LINC00305: variants seen among roughly 807,000 people sequenced by gnomAD.
LINC00305 encodes long intergenic non-protein coding RNA 305.
At chr18:64,093,353 T>C (rs2051232295) in intron 3 of LINC00305, among the ~76,000 whole-genome samples, 1 of 152,200 alleles carries the variant, frequency 6.6e-6, no homozygotes, top group South Asian at 2.1e-4. Context: ...TTTATTTTTT[T>C]GAGATGGAGT....
At chr18:64,134,944 G>A (rs530083048) in intron 1 of LINC00305, among the ~76,000 whole-genome samples, 88 of 152,246 alleles carry the variant, frequency 5.8e-4, no homozygotes, top group Middle Eastern at 3.4e-3. Flanking sequence ...GTCTGCATTC[G>A]TTTGCTTGAG....
rs536518800 is a variant in LINC00305 at position 64,133,629 on chromosome 18, C to A, written n.314+15146G>T. ...GGAGTGTCCTAAGTGAGCATCTTGC[C>A]TTTACTTTGTTTGTCTTGCACAGGC... On this transcript the variant is annotated intron_variant and non_coding_transcript_variant, in intron 1 of 3. Coordinates refer to ENST00000666468, the Ensembl canonical transcript of LINC00305. Among the ~76,000 whole-genome samples, 4 of 152,262 alleles carry A rather than the reference C, an allele frequency of 2.6e-5. No individual in the cohort carries two copies. In the South Asian group the frequency reaches 8.3e-4, roughly 32 times the overall value.
chr18:64,083,404 T>C (rs1831014780), intron 3 of LINC00305, among the ~76,000 whole-genome samples: 1 of 152,222 alleles, frequency 6.6e-6, no homozygotes, highest in African/African-American at 2.4e-5. Flanking sequence ...CCGGGAATAG[T>C]GTTTCTTCCT....
At chr18:64,130,110 C>T (rs1019238198) in intron 1 of LINC00305, among the ~76,000 whole-genome samples, 1 of 151,924 alleles carries the variant, frequency 6.6e-6, no homozygotes, top group African/African-American at 2.4e-5. Context: ...AGATATATCT[C>T]CTACAACACT....
intron 1 of LINC00305, among the ~76,000 whole-genome samples, chr18:64,122,676 C>T (rs946531336): frequency 4.6e-5 from 7 of 151,822 alleles, no homozygotes; most frequent in African/African-American, 1.2e-4. Flanking sequence ...GGGCTCTTTT[C>T]GTGTTCCGTA....
intron 1 of LINC00305, among the ~76,000 whole-genome samples, chr18:64,143,590 G>GTGTACATATA: frequency 1.2e-5 from 1 of 81,244 alleles, no homozygotes; most frequent in African/African-American, 6.7e-5. Flanking sequence ...ATGTACATAT[G>GTGTACATATA]TACACATATG....
At chr18:64,110,198 T>C (rs2144248777) in intron 1 of LINC00305, among the ~76,000 whole-genome samples, 1 of 152,270 alleles carries the variant, frequency 6.6e-6, no homozygotes, top group Admixed American at 6.5e-5. Context: ...ACAGAAGACT[T>C]TGTATGAATA....
rs142907626 is a variant in LINC00305 at position 64,131,750 on chromosome 18, G to A, written n.314+17025C>T. Among the ~76,000 whole-genome samples, 358 of 152,296 alleles carry A rather than the reference G, an allele frequency of 2.4e-3. 2 individuals are homozygous for A. Among genetic ancestry groups the A allele is most frequent in the African/African-American group, 7.8e-3 (325 of 41,564 alleles). On this transcript the variant is annotated intron_variant and non_coding_transcript_variant, in intron 1 of 3. Coordinates refer to ENST00000666468, the Ensembl canonical transcript of LINC00305. ...AGAAATGTTGTAGCATCACTCGTTA[G>A]GGATTTGGTGCAACAAGCAGGCAAA...
intron 1 of LINC00305, among the ~76,000 whole-genome samples, chr18:64,145,177 C>A (rs112473837): frequency 1.3e-5 from 2 of 152,096 alleles, no homozygotes; most frequent in Admixed American, 6.6e-5. Context: ...GGAAAGACTG[C>A]GTTTCTGTTT....
At chr18:64,080,581 A>G (rs1014547233) in intron 3 of LINC00305, among the ~76,000 whole-genome samples, 15 of 152,228 alleles carry the variant, frequency 9.9e-5, no homozygotes, top group African/African-American at 3.6e-4. Flanking sequence ...ATTTATCTAT[A>G]CCAGGATTTT....
At chr18:64,119,040 T>C (rs1187775529) in intron 1 of LINC00305, among the ~76,000 whole-genome samples, 1 of 151,960 alleles carries the variant, frequency 6.6e-6, no homozygotes, top group African/African-American at 2.4e-5. Context: ...CAGAATCACA[T>C]ACAAGTATAC....
At chr18:64,110,208 A>G (rs1471142562) in intron 1 of LINC00305, among the ~76,000 whole-genome samples, 1 of 152,210 alleles carries the variant, frequency 6.6e-6, no homozygotes. Context: ...TTGTATGAAT[A>G]AGAAATAAAA....
chr18:64,124,203 A>G (rs910578745), intron 1 of LINC00305, among the ~76,000 whole-genome samples: 4 of 152,154 alleles, frequency 2.6e-5, no homozygotes, highest in Admixed American at 6.5e-5. Context: ...TCCAGGAATG[A>G]CAGTCACAGT....
intron 1 of LINC00305, among the ~76,000 whole-genome samples, chr18:64,111,914 C>G (rs1241800282): frequency 6.6e-6 from 1 of 152,174 alleles, no homozygotes; most frequent in African/African-American, 2.4e-5. Context: ...ATCACAAAAT[C>G]AAGGACCATG....
chr18:64,122,088 C>T (rs931884321), intron 1 of LINC00305, among the ~76,000 whole-genome samples: 4 of 152,008 alleles, frequency 2.6e-5, no homozygotes, highest in African/African-American at 9.7e-5. Flanking sequence ...AGGTATGAAT[C>T]CTCTGTCAGA....
chr18:64,082,635 G>A (rs555854235), intron 3 of LINC00305, among the ~76,000 whole-genome samples: 99 of 152,292 alleles, frequency 6.5e-4, no homozygotes, highest in Middle Eastern at 3.4e-3. Context: ...TGCTGACAGT[G>A]TGAATTCTGT....
At chr18:64,106,342 A>G (rs1381960654) in intron 1 of LINC00305, among the ~76,000 whole-genome samples, 1 of 152,128 alleles carries the variant, frequency 6.6e-6, no homozygotes, top group Non-Finnish European at 1.5e-5. Context: ...GATTGTGCCT[A>G]CGCTCTGGCT....
intron 1 of LINC00305, among the ~76,000 whole-genome samples, chr18:64,137,083 A>G (rs1377850966): frequency 6.6e-6 from 1 of 152,202 alleles, no homozygotes. Flanking sequence ...TTGGATTCTC[A>G]TGAGTCTTAA....
chr18:64,125,943 C>T (rs1599224038), intron 1 of LINC00305, among the ~76,000 whole-genome samples: 1 of 152,068 alleles, frequency 6.6e-6, no homozygotes, highest in Non-Finnish European at 1.5e-5. Context: ...AAAGAAAATC[C>T]TTCCTGGACA....
Sources: gnomAD v4.1 joint callset for allele counts (sites outside exome capture counted in the v4.1 genomes callset) on GRCh38, gnomAD v4.1.1 for gene constraint, MANE v1.5 for transcripts, NCBI Gene and HGNC (gene_info 2026-07-23, HGNC 2026-07-21) for gene names.